The following ADAMTSL2 variants were observed in gnomAD, a reference collection of about 807,000 sequenced individuals.
ADAMTSL2 encodes the protein ADAMTS-like protein 2.
In ADAMTSL2, 55 loss-of-function variants were observed where a neutral mutation model predicts 117.0. That is an observed-to-expected ratio of 0.47 (90% CI 0.38 to 0.59). ADAMTSL2 has a LOEUF of 0.59. Among genes scored for constraint, ADAMTSL2 ranks in the 20% least tolerant of loss-of-function variants. The pLI is 0.00. For missense variants in ADAMTSL2, 1,182 were observed against 1,354.5 expected, an observed-to-expected ratio of 0.87 and a Z score of 2.00; for synonymous variants, 572 against 566.4, an observed-to-expected ratio of 1.01 and a Z score of -0.14.
chr9:133,562,566 C>G (rs1439532569), intron 12 of ADAMTSL2, among the ~76,000 whole-genome samples: 1 of 90,776 alleles, frequency 1.1e-5, no homozygotes, highest in Non-Finnish European at 2.3e-5. Flanking sequence ...GGCGGCGTGG[C>G]GGGCACCCTG....
At chr9:133,541,286 A>G (rs909393470) in intron 7 of ADAMTSL2, among the ~76,000 whole-genome samples, 26 of 146,848 alleles carry the variant, frequency 1.8e-4, no homozygotes, top group African/African-American at 6.0e-4. Flanking sequence ...GGTGTTAACA[A>G]TGCACCTTTT....
chr9:133,561,225 C>T lies in ADAMTSL2; in HGVS notation c.1677C>T (p.Gly559=), dbSNP rs1006538707. ...CCAGGCCCAAGGCGCGCAAGCAAGG[C>T]GTGAGTCCCGCGGACATGTACCGGT... is the stretch of plus-strand genomic sequence containing the variant. The part of the protein sequence containing the change: ...ARTRPKARKQ[G]VSPADMYRWK... Residue 559 remains glycine (G), a synonymous_variant, in exon 12 of 19, where the codon GGC becomes GGT. Transcript: ENST00000651351. 16 of 1,608,270 alleles carry T rather than the reference C, an allele frequency of 9.9e-6. No individual in the cohort carries two copies. The highest frequency in any genetic ancestry group is 9.3e-5 in the African/African-American group (7 of 75,040).
At chr9:133,564,268 GA>G (rs1204378410) in intron 12 of ADAMTSL2, among the ~76,000 whole-genome samples, 1 of 69,748 alleles carries the variant, frequency 1.4e-5, no homozygotes, top group Admixed American at 1.3e-4. Flanking sequence ...GAGGGAGAGA[GA>G]GAGAAAGAGG....
At chr9:133,539,898 C>T (rs1403459706) in intron 5 of ADAMTSL2, 25 bp downstream of exon 5, 4 of 1,547,942 alleles carry the variant, frequency 2.6e-6, no homozygotes, top group East Asian at 2.4e-5. Context: ...GGGGACCCAC[C>T]TTGCAGGGAG....
rs1588315349 is a variant in ADAMTSL2, at chr9:133,575,155, C to T, written c.*291C>T. 4.5e-6 allele frequency: 2 copies of T among 444,314 alleles called. No homozygotes were observed. Among genetic ancestry groups the T allele is most frequent in the East Asian group, 9.2e-5 (2 of 21,780 alleles). 27.5% of individuals were successfully genotyped at this position (444,314 alleles called of 1,614,324 possible). On this transcript the variant is annotated 3_prime_UTR_variant, in exon 19 of 19. Transcript: ENST00000651351. ...TTGTGGCTCCCACTCCCCAGCCCCCCAGCAGCCCCCAGCCGAGGGGCCCAG... is the reference window on the plus strand; with the variant it reads ...TTGTGGCTCCCACTCCCCAGCCCCCTAGCAGCCCCCAGCCGAGGGGCCCAG...
chr9:133,574,949 C>A lies in ADAMTSL2; in HGVS notation c.*85C>A. 1 of 1,072,382 alleles carries A rather than the reference C, an allele frequency of 9.3e-7. No individual in the cohort carries two copies. The highest frequency in any genetic ancestry group is 1.4e-6 in the Non-Finnish European group (1 of 695,414). 66.4% of individuals were successfully genotyped at this position (1,072,382 alleles called of 1,614,324 possible). On this transcript the variant is annotated 3_prime_UTR_variant, in exon 19 of 19. Coordinates refer to ENST00000651351, the MANE Select transcript of ADAMTSL2 (RefSeq NM_014694.4). Reference sequence around the variant, plus strand: ...GCTTCTGGGGCCTCCACAGACCCCCCTCCTGCGGGGCACGCTGGCCTAAGA... The same window carrying A: ...GCTTCTGGGGCCTCCACAGACCCCCATCCTGCGGGGCACGCTGGCCTAAGA...
At chr9:133,569,799 T>C (rs1831062107) in intron 16 of ADAMTSL2, among the ~76,000 whole-genome samples, 1 of 152,216 alleles carries the variant, frequency 6.6e-6, no homozygotes, top group African/African-American at 2.4e-5. Flanking sequence ...GGCTCAGTGG[T>C]ACGTGCAGAA....
Position 133,566,588 on chromosome 9 carries a change from A to T in ADAMTSL2, c.1748-348A>T, listed in dbSNP as rs780578257. 2.5e-3 allele frequency among the ~76,000 whole-genome samples: 384 copies of T among 152,004 alleles called. 2 individuals are homozygous for T. Among genetic ancestry groups the T allele is most frequent in the Non-Finnish European group, 4.3e-3 (291 of 67,946 alleles). ...CTCCCGCCTGCCTGTCCACCCAGGG[A>T]TGGGTGGTTGCTGAACGCCTGGCGA... On this transcript the variant is annotated intron_variant, in intron 12 of 18. Transcript: ENST00000651351.
At chr9:133,569,143 G>A (rs11521991) in intron 15 of ADAMTSL2, among the ~76,000 whole-genome samples, 36,742 of 151,988 alleles carry the variant, frequency 0.24, 4,873 homozygotes, top group Non-Finnish European at 0.31. Flanking sequence ...CTCATCGAGA[G>A]AGATGCTCAG....
At chr9:133,551,812 C>CTTTTTTT (rs56225051) in intron 9 of ADAMTSL2, among the ~76,000 whole-genome samples, 43 of 111,088 alleles carry the variant, frequency 3.9e-4, no homozygotes, top group African/African-American at 1.3e-3. Context: ...AAAGCAGCAG[C>CTTTTTTT]TTTTTTTTTT....
At position 133,544,601 on chromosome 9, in the gene ADAMTSL2, C is replaced by T. The variant is rs143616607; in HGVS notation, c.763+51C>T. Reference sequence around the variant, plus strand: ...CCTCACTGAGCTTTTGGTTGTGGAGCGTTGTGCGTGGCAGAGAAGGGGCAC... The same window carrying T: ...CCTCACTGAGCTTTTGGTTGTGGAGTGTTGTGCGTGGCAGAGAAGGGGCAC... On this transcript the variant is annotated intron_variant, in intron 8 of 18. Coordinates refer to ENST00000651351, the MANE Select transcript of ADAMTSL2 (RefSeq NM_014694.4). 6.1e-5 allele frequency: 92 copies of T among 1,505,588 alleles called. 1 individual carries two copies. In the Middle Eastern group the frequency reaches 2.6e-3, roughly 42 times the overall value. 93.3% of individuals were successfully genotyped at this position (1,505,588 alleles called of 1,614,324 possible). A position where few individuals can be genotyped will look rare whatever the true frequency, so the allele number is the denominator to read the frequency against.
Position 133,534,920 on chromosome 9 carries a change from A to T in ADAMTSL2, c.-151+3A>T, listed in dbSNP as rs1381193016. 7.2e-7 allele frequency: 1 copy of T among 1,392,722 alleles called. No homozygotes were observed. Among genetic ancestry groups the T allele is most frequent in the East Asian group, 3.0e-5 (1 of 32,854 alleles). 86.3% of individuals were successfully genotyped at this position (1,392,722 alleles called of 1,614,324 possible). A position where few individuals can be genotyped will look rare whatever the true frequency, so the allele number is the denominator to read the frequency against. ...ACAACCTGCTGACCCGAAGCCAGGT[A>T]GGCCACCTCGTCCCCGTCCCCCTCA... On this transcript the variant is annotated splice_donor_region_variant and intron_variant, in intron 1 of 18. Coordinates refer to ENST00000651351, the MANE Select transcript of ADAMTSL2 (RefSeq NM_014694.4).
chr9:133,574,680 C>A (rs1004995365), intron 18 of ADAMTSL2, 66 bp from the exon 19 acceptor site: 1 of 1,407,832 alleles, frequency 7.1e-7, no homozygotes, highest in Non-Finnish European at 1.0e-6. Flanking sequence ...CGTGGGGGTC[C>A]CTGGGGTTTT....
chr9:133,564,722 G>C (rs1246832938), intron 12 of ADAMTSL2, among the ~76,000 whole-genome samples: 2 of 149,424 alleles, frequency 1.3e-5, no homozygotes, highest in Non-Finnish European at 3.0e-5. Flanking sequence ...GAGAGAGAGG[G>C]TGAGAGAGAG....
intron 3 of ADAMTSL2, 101 bp from the exon 4 acceptor site, chr9:133,538,248 G>T (rs1830099679): frequency 1.4e-6 from 2 of 1,395,396 alleles, no homozygotes; most frequent in South Asian, 2.3e-5. Flanking sequence ...TGGGTCACGG[G>T]TATCGGGAGA....
chr9:133,535,724 C>T (rs1830035245), intron 1 of ADAMTSL2, among the ~76,000 whole-genome samples: 1 of 152,188 alleles, frequency 6.6e-6, no homozygotes, highest in Admixed American at 6.5e-5. Context: ...TGAGTGCAGG[C>T]TGCGTGGTTT....
chr9:133,548,831 G>A lies in ADAMTSL2; in HGVS notation c.939+1618G>A, dbSNP rs192114022. 4.0e-3 allele frequency among the ~76,000 whole-genome samples: 615 copies of A among 152,298 alleles called. 2 individuals are homozygous for A. The highest frequency in any genetic ancestry group is 7.0e-3 in the Non-Finnish European group (473 of 68,012). ...GGGTGGGGTCCGTGGTCCACCCCCA[G>A]CACAGCTTGGACCTATGCGCTTTGC... On this transcript the variant is annotated intron_variant, in intron 9 of 18. Transcript: ENST00000651351.
At chr9:133,546,624 C>G (rs113151028) in intron 8 of ADAMTSL2, among the ~76,000 whole-genome samples, 11,636 of 152,286 alleles carry the variant, frequency 0.076, 642 homozygotes, top group Non-Finnish European at 0.12. Context: ...CAGGGTCACT[C>G]TGTGTGGATG....
chr9:133,570,570 C>A, intron 17 of ADAMTSL2, 63 bp downstream of exon 17: 1 of 1,545,972 alleles, frequency 6.5e-7, no homozygotes, highest in Non-Finnish European at 8.8e-7. Flanking sequence ...GATCCCGCCC[C>A]TCCCGCCTCA....
Sources: gnomAD v4.1 joint callset for allele counts (sites outside exome capture counted in the v4.1 genomes callset) on GRCh38, gnomAD v4.1.1 for gene constraint, MANE v1.5 for transcripts, NCBI Gene and HGNC (gene_info 2026-07-23, HGNC 2026-07-21) for gene names.